Variants in GFOD1 observed in about 807,000 individuals in gnomAD.
GFOD1 encodes glucose-fructose oxidoreductase domain-containing protein 1.
In GFOD1, 9 loss-of-function variants were observed where a neutral mutation model predicts 25.4. That is an observed-to-expected ratio of 0.35 (90% confidence interval 0.21 to 0.62). The LOEUF is 0.62. GFOD1 is among the 20% of genes least tolerant of loss of function. The pLI is 0.72. For missense variants in GFOD1, 403 were observed against 556.9 expected (o/e 0.72, Z 2.78); for synonymous variants, 253 against 245.6 (o/e 1.03, Z -0.28).
At chr6:13,378,322 G>A (rs989019295) in intron 1 of GFOD1, among the ~76,000 whole-genome samples, 1 of 152,208 alleles carries the variant, frequency 6.6e-6, no homozygotes, top group Non-Finnish European at 1.5e-5. Context: ...GTTAATAAAG[G>A]AAGTGCCAAC....
At chr6:13,475,979 C>T (rs531526848) in intron 1 of GFOD1, among the ~76,000 whole-genome samples, 49 of 152,190 alleles carry the variant, frequency 3.2e-4, no homozygotes, top group African/African-American at 1.1e-3. Flanking sequence ...TAGAACTCTC[C>T]TATGTTGCTA....
At chr6:13,369,273 G>A (rs951635095) in intron 1 of GFOD1, among the ~76,000 whole-genome samples, 2 of 152,162 alleles carry the variant, frequency 1.3e-5, no homozygotes, top group Non-Finnish European at 2.9e-5. Flanking sequence ...CTTAACACAC[G>A]ATATCTTCAA....
intron 1 of GFOD1, among the ~76,000 whole-genome samples, chr6:13,404,450 C>G (rs964583414): frequency 3.9e-5 from 6 of 152,200 alleles, no homozygotes; most frequent in African/African-American, 1.4e-4. Flanking sequence ...TGGATTAGAA[C>G]TGTAGTATGT....
intron 1 of GFOD1, among the ~76,000 whole-genome samples, chr6:13,477,869 C>T (rs2127578927): frequency 6.6e-6 from 1 of 151,914 alleles, no homozygotes; most frequent in South Asian, 2.1e-4. Flanking sequence ...AATTCGAGAC[C>T]AGCCTGGCCA....
chr6:13,468,880 C>T (rs1209254863), intron 1 of GFOD1, among the ~76,000 whole-genome samples: 1 of 152,068 alleles, frequency 6.6e-6, no homozygotes, highest in African/African-American at 2.4e-5. Flanking sequence ...CATTATGGAA[C>T]CAAATGTGTT....
At position 13,432,540 on chromosome 6, in the gene GFOD1, A is replaced by G. The variant is rs535990546; in HGVS notation, c.253+54098T>C. 5.3e-5 allele frequency among the ~76,000 whole-genome samples: 8 copies of G among 152,284 alleles called. No homozygotes were observed. The South Asian group carries it at 1.7e-3, about 32-fold the overall frequency. On this transcript the variant is annotated intron_variant, in intron 1 of 1. Transcript: ENST00000379287. Reference sequence around the variant, plus strand: ...TTCTAAACAGACAAGAACCTTAGGAAGAAAACAGAAGAGGGAGACAGGGTG... The same window carrying G: ...TTCTAAACAGACAAGAACCTTAGGAGGAAAACAGAAGAGGGAGACAGGGTG...
chr6:13,464,468 A>T (rs1758345966), intron 1 of GFOD1, among the ~76,000 whole-genome samples: 1 of 152,172 alleles, frequency 6.6e-6, no homozygotes, highest in South Asian at 2.1e-4. Flanking sequence ...CTCCCTGTCC[A>T]GCTATAGTTC....
At chr6:13,455,200 G>A (rs1163816816) in intron 1 of GFOD1, among the ~76,000 whole-genome samples, 1 of 152,140 alleles carries the variant, frequency 6.6e-6, no homozygotes, top group African/African-American at 2.4e-5. Flanking sequence ...GCCTGGCAGT[G>A]AGCAATACAC....
At chr6:13,374,271 T>TGTGTGTGTGTG (rs1554199401) in intron 1 of GFOD1, among the ~76,000 whole-genome samples, 6 of 134,474 alleles carry the variant, frequency 4.5e-5, no homozygotes, top group African/African-American at 1.5e-4. Context: ...TATGTTTTTT[T>TGTGTGTGTGTG]TTTGTGTGTG....
At chr6:13,451,657 C>G (rs1030962908) in intron 1 of GFOD1, among the ~76,000 whole-genome samples, 20 of 152,204 alleles carry the variant, frequency 1.3e-4, no homozygotes, top group Admixed American at 3.9e-4. Flanking sequence ...CCCAGGCAAA[C>G]AGGATGCACC....
chr6:13,382,354 G>T (rs570646421), intron 1 of GFOD1, among the ~76,000 whole-genome samples: 1 of 151,348 alleles, frequency 6.6e-6, no homozygotes, highest in Non-Finnish European at 1.5e-5. Flanking sequence ...TCATGGGGGG[G>T]GGGGTTCTTT....
intron 1 of GFOD1, among the ~76,000 whole-genome samples, chr6:13,402,112 T>G (rs1785858419): frequency 1.3e-5 from 2 of 152,222 alleles, no homozygotes; most frequent in African/African-American, 4.8e-5. Flanking sequence ...TAACAAGTGG[T>G]GCTAGAACAA....
At chr6:13,458,622 A>G (rs1337517773) in intron 1 of GFOD1, among the ~76,000 whole-genome samples, 1 of 151,894 alleles carries the variant, frequency 6.6e-6, no homozygotes, top group Non-Finnish European at 1.5e-5. Context: ...TTCCTCTTCT[A>G]CAAAATGGTA....
intron 1 of GFOD1, among the ~76,000 whole-genome samples, chr6:13,390,777 GA>G (rs1785580375): frequency 2.7e-5 from 2 of 75,422 alleles, no homozygotes; most frequent in Admixed American, 1.3e-4. Flanking sequence ...GAGAGAGAGA[GA>G]GAAAGGAAGG....
At chr6:13,423,359 G>A (rs1786293547) in intron 1 of GFOD1, among the ~76,000 whole-genome samples, 1 of 152,164 alleles carries the variant, frequency 6.6e-6, no homozygotes, top group Non-Finnish European at 1.5e-5. Context: ...GCATTTATCT[G>A]TGTAATATGC....
chr6:13,359,058 G>A lies in GFOD1; in HGVS notation c.*5685C>T, dbSNP rs1375733146. On this transcript the variant is annotated 3_prime_UTR_variant, in exon 2 of 2. Transcript: ENST00000379287. Reference sequence around the variant, plus strand: ...ACCTCCAGATGCCACTGGGAACACTGAGCCCATCACCTTTTAAAGAAGCGC... The same window carrying A: ...ACCTCCAGATGCCACTGGGAACACTAAGCCCATCACCTTTTAAAGAAGCGC... 6.6e-6 allele frequency: 1 copy of A among 152,298 alleles called. No homozygotes were observed. Among genetic ancestry groups the A allele is most frequent in the Non-Finnish European group, 1.5e-5 (1 of 68,118 alleles). The allele number at this position is 152,298 out of a possible 1,614,324, so 9.4% of individuals were successfully genotyped here.
At chr6:13,468,197 G>T (rs1410939865) in intron 1 of GFOD1, among the ~76,000 whole-genome samples, 1 of 152,094 alleles carries the variant, frequency 6.6e-6, no homozygotes, top group African/African-American at 2.4e-5. Flanking sequence ...AGGTGTGTGT[G>T]CGTGTGTGTG....
At chr6:13,369,074 CACATTAT>C (rs1785100539) in intron 1 of GFOD1, among the ~76,000 whole-genome samples, 1 of 152,176 alleles carries the variant, frequency 6.6e-6, no homozygotes. Flanking sequence ...GATATGGCTC[CACATTAT>C]ACAGTAAGGC....
At chr6:13,377,462 T>C (rs1785277757) in intron 1 of GFOD1, among the ~76,000 whole-genome samples, 1 of 152,214 alleles carries the variant, frequency 6.6e-6, no homozygotes, top group African/African-American at 2.4e-5. Flanking sequence ...ATCTCCTTGC[T>C]GGCTGTCAGC....
Sources: gnomAD v4.1 joint callset for allele counts (sites outside exome capture counted in the v4.1 genomes callset) on GRCh38, gnomAD v4.1.1 for gene constraint, MANE v1.5 for transcripts, NCBI Gene and HGNC (gene_info 2026-07-23, HGNC 2026-07-21) for gene names.